The following MECOM variants were observed in gnomAD, a reference collection of about 807,000 sequenced individuals.
MECOM encodes the protein histone-lysine N-methyltransferase MECOM.
In MECOM, 13 loss-of-function variants were observed where a neutral mutation model predicts 116.3. The ratio of observed to expected loss-of-function variants is 0.11; its 90% CI spans 0.07 to 0.18. The LOEUF (loss-of-function observed/expected upper bound fraction) is 0.18, where lower values mean the gene tolerates loss of function less well. Ranked by LOEUF, MECOM falls within the 10% of genes least tolerant of loss-of-function variation. The pLI is 1.00. For synonymous variants in MECOM, 528 were observed against 535.2 expected (o/e 0.99, Z 0.19); for missense variants, 1,299 against 1,509.0 (o/e 0.86, Z 2.31).
At chr3:169,161,195 T>C (rs1370685940) in intron 2 of MECOM, among the ~76,000 whole-genome samples, 3 of 152,184 alleles carry the variant, frequency 2.0e-5, no homozygotes, top group East Asian at 3.8e-4. Context: ...GTGTTGGCCA[T>C]TGGTTACATA....
intron 1 of MECOM, among the ~76,000 whole-genome samples, chr3:169,579,998 G>A (rs2109526217): frequency 6.6e-6 from 1 of 152,278 alleles, no homozygotes; most frequent in East Asian, 1.9e-4. Flanking sequence ...TGAGCACAGA[G>A]CCCATTGTGA....
chr3:169,289,660 G>GT (rs1381107525), intron 2 of MECOM, among the ~76,000 whole-genome samples: 6 of 152,172 alleles, frequency 3.9e-5, no homozygotes, highest in African/African-American at 1.4e-4. Flanking sequence ...CCAATGGAGA[G>GT]TTTGACTAAA....
intron 2 of MECOM, among the ~76,000 whole-genome samples, chr3:169,190,934 C>G (rs779229931): frequency 1.4e-4 from 21 of 151,934 alleles, no homozygotes; most frequent in Admixed American, 9.2e-4. Flanking sequence ...TACTAGGTGG[C>G]CACATCTACT....
At position 169,550,916 on chromosome 3, in the gene MECOM, C is replaced by G. The variant is rs1269438606; in HGVS notation, c.37+112420G>C. Among the ~76,000 whole-genome samples, 3 of 95,198 alleles carry G rather than the reference C, an allele frequency of 3.2e-5. 1 individual carries two copies. The highest frequency in any genetic ancestry group is 6.8e-5 in the Non-Finnish European group (3 of 44,166). The allele number at this position is 95,198 out of a possible 152,430, so 62.5% of individuals were successfully genotyped here. ...TCGGCTCACTGCAAGCTCCGCCTCCCGGGTTCACGCCATTCTCCTGCCTCA... is the reference window on the plus strand; with the variant it reads ...TCGGCTCACTGCAAGCTCCGCCTCCGGGGTTCACGCCATTCTCCTGCCTCA... On this transcript the variant is annotated intron_variant, in intron 1 of 16. Coordinates refer to ENST00000651503, the MANE Select transcript of MECOM (RefSeq NM_004991.4).
chr3:169,549,681 T>C (rs1297419474), intron 1 of MECOM, among the ~76,000 whole-genome samples: 2 of 152,260 alleles, frequency 1.3e-5, no homozygotes, highest in East Asian at 1.9e-4. Context: ...ACAGAAAAGA[T>C]TACATGTCAT....
At position 169,338,600 on chromosome 3, in the gene MECOM, GGTGT is replaced by G. The variant is rs149763365; in HGVS notation, c.375+42583_375+42586del. The stretch of plus-strand genomic sequence containing the variant: ...ATTTAGGAAATGTATTTATGTTAGG[GGTGT>G]GTGTGTGTGTGTGTGTGTGTGTGTG... On this transcript the variant is annotated intron_variant, in intron 2 of 16. Transcript: ENST00000651503. 2.8e-3 allele frequency among the ~76,000 whole-genome samples: 414 copies of G among 146,502 alleles called. 5 individuals carry two copies. The South Asian group carries it at 0.033, about 12-fold the overall frequency.
chr3:169,658,574 C>A (rs1775819686), intron 1 of MECOM, among the ~76,000 whole-genome samples: 1 of 152,188 alleles, frequency 6.6e-6, no homozygotes, highest in Non-Finnish European at 1.5e-5. Context: ...AGAGTTCTGG[C>A]CAAACCTTGG....
chr3:169,194,065 T>C (rs563161631), intron 2 of MECOM, among the ~76,000 whole-genome samples: 1 of 152,046 alleles, frequency 6.6e-6, no homozygotes, highest in South Asian at 2.1e-4. Context: ...TAATGACTCA[T>C]ATATGCTTTT....
At position 169,375,209 on chromosome 3, in the gene MECOM, C is replaced by T. The variant is rs1173958830; in HGVS notation, c.375+5978G>A. On this transcript the variant is annotated intron_variant, in intron 2 of 16. Coordinates refer to ENST00000651503, the MANE Select transcript of MECOM (RefSeq NM_004991.4). ...GGAAATTTGTAACACTAAATGCCCGCAGAAGAAAGTGGGAAAGATCTAAAA... is the reference window on the plus strand; with the variant it reads ...GGAAATTTGTAACACTAAATGCCCGTAGAAGAAAGTGGGAAAGATCTAAAA... 5.3e-5 allele frequency among the ~76,000 whole-genome samples: 8 copies of T among 152,096 alleles called. No individual in the cohort carries two copies. The East Asian group carries it at 1.6e-3, about 29-fold the overall frequency.
intron 2 of MECOM, among the ~76,000 whole-genome samples, chr3:169,214,783 GA>G (rs1306038805): frequency 7.4e-5 from 11 of 148,148 alleles, no homozygotes; most frequent in African/African-American, 2.2e-4. Flanking sequence ...TAGGTTTTCA[GA>G]AAAAAAAGTT....
In MECOM at chr3:169,125,709, AG is replaced by A. The variant is rs752378365; in HGVS notation, c.830+2134del. ...AAACATAGAAGCAATGCAGTCAGTC[AG>A]TGAGACTTCTCTGCTTTTCGTGGAA... On this transcript the variant is annotated intron_variant, in intron 5 of 16. Transcript: ENST00000651503. Among the ~76,000 whole-genome samples the A allele has an allele frequency of 8.5e-5, 13 of 152,270 alleles. No individual in the cohort carries two copies. The East Asian group carries it at 1.7e-3, about 20-fold the overall frequency.
intron 2 of MECOM, among the ~76,000 whole-genome samples, chr3:169,205,681 T>C (rs947993877): frequency 2.0e-5 from 3 of 152,162 alleles, no homozygotes; most frequent in Admixed American, 2.0e-4. Flanking sequence ...AAGATTGACA[T>C]AAACACACAT....
intron 2 of MECOM, among the ~76,000 whole-genome samples, chr3:169,353,686 T>C (rs1292482799): frequency 6.6e-6 from 1 of 151,906 alleles, no homozygotes; most frequent in Non-Finnish European, 1.5e-5. Context: ...AAATACTATC[T>C]TCTAATCATG....
intron 2 of MECOM, among the ~76,000 whole-genome samples, chr3:169,202,120 C>T (rs772509798): frequency 4.6e-5 from 7 of 152,066 alleles, no homozygotes; most frequent in Non-Finnish European, 1.0e-4. Flanking sequence ...ACCCTGCTGC[C>T]TGACTCCTGT....
chr3:169,161,571 G>A, intron 2 of MECOM, among the ~76,000 whole-genome samples: 1 of 152,074 alleles, frequency 6.6e-6, no homozygotes, highest in East Asian at 1.9e-4. Context: ...CACGTTGATG[G>A]TAAAGAGAGA....
chr3:169,236,499 A>G (rs1485596870), intron 2 of MECOM, among the ~76,000 whole-genome samples: 1 of 152,206 alleles, frequency 6.6e-6, no homozygotes, highest in Non-Finnish European at 1.5e-5. Flanking sequence ...TCTGTAAGAG[A>G]AAAAATCTAT....
At chr3:169,592,381 G>T (rs887414663) in intron 1 of MECOM, among the ~76,000 whole-genome samples, 8 of 152,052 alleles carry the variant, frequency 5.3e-5, no homozygotes, top group African/African-American at 1.9e-4. Context: ...AGCCTACTTG[G>T]CCAACATTAT....
At position 169,123,640 on chromosome 3, in the gene MECOM, C is replaced by T. The variant is rs188714481; in HGVS notation, c.831-913G>A. Among the ~76,000 whole-genome samples the T allele has an allele frequency of 3.1e-3, 467 of 151,966 alleles. 3 individuals are homozygous for T. Among genetic ancestry groups the T allele is most frequent in the Middle Eastern group, 0.014 (4 of 294 alleles). On this transcript the variant is annotated intron_variant, in intron 5 of 16. Transcript: ENST00000651503. Reference sequence around the variant, plus strand: ...AATACATAACACACTGGGATACTACCCCCAAATAAAGTAACCAGAGCTCCG... The same window carrying T: ...AATACATAACACACTGGGATACTACTCCCAAATAAAGTAACCAGAGCTCCG...
chr3:169,543,241 T>G (rs549453608), intron 1 of MECOM, among the ~76,000 whole-genome samples: 2 of 152,278 alleles, frequency 1.3e-5, no homozygotes, highest in African/African-American at 4.8e-5. Flanking sequence ...CAAGCAAATA[T>G]TTATTATTTG....
Sources: allele counts gnomAD v4.1 joint callset (sites outside exome capture counted in the v4.1 genomes callset), GRCh38; gene constraint gnomAD v4.1.1; transcripts MANE v1.5; gene names NCBI Gene and HGNC (gene_info 2026-07-23, HGNC 2026-07-21).